AKAP13: variants seen among roughly 807,000 people sequenced by gnomAD.
AKAP13 encodes A-kinase anchoring protein 13.
Under a neutral mutation model 264.5 loss-of-function variants are expected in AKAP13, and 80 were observed. The ratio of observed to expected loss-of-function variants is 0.30; its 90% CI spans 0.25 to 0.36. AKAP13 has a LOEUF of 0.36. Ranked by LOEUF, AKAP13 falls within the 10% of genes least tolerant of loss-of-function variation. The pLI is 1.00. For missense variants in AKAP13, 3,712 were observed against 3,435.2 expected (o/e 1.08, Z -2.01); for synonymous variants, 1,380 against 1,250.2 (o/e 1.10, Z -2.19).
rs1308752464 is a variant in AKAP13, at chr15:85,533,746, T to G, written c.344T>G (p.Phe115Cys). ...GCTGGAAATCAGCAGGCTTTGAACT[T>G]TACCCGTTTTCTTGACCAGTCAGGA... ...TSAGNQQALN[F>C]TRFLDQSGPP... The change falls in exon 4 of 37, where the codon TTT (phenylalanine) becomes TGT (cysteine). Residue 115 changes from phenylalanine to cysteine, a missense_variant. Transcript: ENST00000394518. 6 of 1,614,080 alleles carry G rather than the reference T, an allele frequency of 3.7e-6. No homozygotes were observed. The East Asian group carries it at 1.3e-4, about 36-fold the overall frequency.
chr15:85,429,867 T>A (rs1284933149), intron 1 of AKAP13, among the ~76,000 whole-genome samples: 1 of 152,220 alleles, frequency 6.6e-6, no homozygotes, highest in Non-Finnish European at 1.5e-5. Context: ...AGCATGTTTG[T>A]TTTTATCTTT....
chr15:85,402,903 T>C (rs1238126189), intron 1 of AKAP13, among the ~76,000 whole-genome samples: 2 of 152,228 alleles, frequency 1.3e-5, no homozygotes, highest in East Asian at 3.8e-4. Flanking sequence ...TTTCTTAAAG[T>C]TACAGGAGTT....
chr15:85,613,691 A>ATATATGTGTGTGT (rs1555450578), intron 8 of AKAP13, among the ~76,000 whole-genome samples: 1 of 91,968 alleles, frequency 1.1e-5, no homozygotes, highest in Admixed American at 1.0e-4. Flanking sequence ...AAAAAAAAAA[A>ATATATGTGTGTGT]ATATATATAT....
intron 1 of AKAP13, among the ~76,000 whole-genome samples, chr15:85,434,178 A>G (rs1483606491): frequency 1.3e-5 from 2 of 152,070 alleles, no homozygotes; most frequent in Admixed American, 6.6e-5. Flanking sequence ...GGGGTCAGGG[A>G]GTTCCCTTTC....
At chr15:85,634,298 T>C (rs1362352941) in intron 8 of AKAP13, among the ~76,000 whole-genome samples, 3 of 152,210 alleles carry the variant, frequency 2.0e-5, no homozygotes, top group Non-Finnish European at 2.9e-5. Flanking sequence ...TGTTGATCTT[T>C]GTCAGCAGAA....
At chr15:85,458,379 A>ATTTTTTTTTTTTTTT (rs937688611) in intron 1 of AKAP13, among the ~76,000 whole-genome samples, 1 of 107,534 alleles carries the variant, frequency 9.3e-6, no homozygotes, top group African/African-American at 5.5e-5. Flanking sequence ...CTTTTTTTGT[A>ATTTTTTTTTTTTTTT]TTTTTTGTTT....
intron 16 of AKAP13, among the ~76,000 whole-genome samples, chr15:85,686,167 A>ATG (rs1260899169): frequency 9.5e-6 from 1 of 105,532 alleles, no homozygotes; most frequent in Non-Finnish European, 2.0e-5. Context: ...GTGTGTGTGT[A>ATG]TGTGTGTGTG....
At chr15:85,619,713 G>T in intron 8 of AKAP13, 1 of 1,002,064 alleles carries the variant, frequency 1.0e-6, no homozygotes, top group Non-Finnish European at 1.2e-6. Context: ...GTTATGCTTA[G>T]CCAGTTTATT....
At chr15:85,541,412 C>A (rs2077577502) in intron 4 of AKAP13, among the ~76,000 whole-genome samples, 1 of 151,980 alleles carries the variant, frequency 6.6e-6, no homozygotes, top group Non-Finnish European at 1.5e-5. Flanking sequence ...TGGCTATTTG[C>A]TGTGTGATTC....
intron 14 of AKAP13, among the ~76,000 whole-genome samples, chr15:85,677,424 T>A (rs1426312872): frequency 6.6e-6 from 1 of 152,212 alleles, no homozygotes; most frequent in Non-Finnish European, 1.5e-5. Context: ...GTATGCTAAT[T>A]TCACAAAACT....
intron 1 of AKAP13, among the ~76,000 whole-genome samples, chr15:85,415,950 CT>C (rs150692174): frequency 0.013 from 1,977 of 152,228 alleles, 44 homozygotes; most frequent in African/African-American, 0.045. Context: ...CGCATAACCC[CT>C]AGAGCTCAGT....
At chr15:85,448,185 A>G (rs1189912668) in intron 1 of AKAP13, among the ~76,000 whole-genome samples, 1 of 151,758 alleles carries the variant, frequency 6.6e-6, no homozygotes, top group East Asian at 1.9e-4. Flanking sequence ...TGAGAAGTGT[A>G]TGTTCATGTC....
intron 1 of AKAP13, among the ~76,000 whole-genome samples, chr15:85,453,650 T>C (rs1363226680): frequency 3.3e-5 from 5 of 152,164 alleles, no homozygotes; most frequent in Non-Finnish European, 7.4e-5. Context: ...GTAGAGCATG[T>C]GTGCTGTGCT....
At chr15:85,662,554 T>A in intron 12 of AKAP13, 1 of 1,286,146 alleles carries the variant, frequency 7.8e-7, no homozygotes, top group East Asian at 2.3e-5. Flanking sequence ...GGGATGCATA[T>A]GGGCAGCCTG....
chr15:85,540,503 G>C (rs189575611), intron 4 of AKAP13, among the ~76,000 whole-genome samples: 2 of 152,290 alleles, frequency 1.3e-5, no homozygotes, highest in African/African-American at 2.4e-5. Flanking sequence ...TCACACTGGG[G>C]ACAAAGGACT....
At chr15:85,393,786 G>C (rs1410377080) in intron 1 of AKAP13, among the ~76,000 whole-genome samples, 1 of 152,106 alleles carries the variant, frequency 6.6e-6, no homozygotes, top group Non-Finnish European at 1.5e-5. Flanking sequence ...CATAACTCTA[G>C]TTTTATTATA....
At chr15:85,622,121 C>T (rs1001543510) in intron 8 of AKAP13, among the ~76,000 whole-genome samples, 8 of 152,172 alleles carry the variant, frequency 5.3e-5, no homozygotes, top group East Asian at 3.9e-4. Context: ...ATGCGAGCCA[C>T]GGGTTACAGT....
Position 85,585,765 on chromosome 15 carries a change from T to C in AKAP13, c.4103T>C (p.Val1368Ala), listed in dbSNP as rs756187368. 8 of 1,614,164 alleles carry C rather than the reference T, an allele frequency of 5.0e-6. No individual in the cohort carries two copies. Among genetic ancestry groups the C allele is most frequent in the Admixed American group, 1.7e-5 (1 of 60,028 alleles). Residue 1368 changes from valine to alanine, a missense_variant, in exon 8 of 37, where the codon GTG (valine) becomes GCG (alanine). Physicochemically the swap from Val to Ala is moderately conservative, Grantham distance 64. Transcript: ENST00000394518. ...AGAGCAAGTTCAATTTCTGAAGAAG[T>C]GGCTGTAGGGAGCATAGCTGCTACA... ...DFRASSISEE[V>A]AVGSIAATLK... is the part of the protein sequence containing the mutation.
chr15:85,744,404 T>G (rs1202631974), intron 36 of AKAP13: 2 of 542,852 alleles, frequency 3.7e-6, no homozygotes, highest in Non-Finnish European at 6.5e-6. Context: ...CTTCATAAAT[T>G]CTAGTGATTA....
Sources: gnomAD v4.1 joint callset for allele counts (sites outside exome capture counted in the v4.1 genomes callset) on GRCh38, gnomAD v4.1.1 for gene constraint, MANE v1.5 for transcripts, NCBI Gene and HGNC (gene_info 2026-07-23, HGNC 2026-07-21) for gene names.